GPR89B: variants seen among roughly 807,000 people sequenced by gnomAD.
GPR89B encodes golgi pH regulator B.
Under a neutral mutation model 52.4 loss-of-function variants are expected in GPR89B, and 25 were observed. That is an observed-to-expected ratio of 0.48 (90% confidence interval 0.35 to 0.67). The LOEUF (loss-of-function observed/expected upper bound fraction) is 0.67, where lower values mean the gene tolerates loss of function less well. Ranked by LOEUF, GPR89B falls within the 30% of genes least tolerant of loss-of-function variation. GPR89B has a pLI of 0.01. For synonymous variants in GPR89B, 52 were observed against 151.2 expected, an observed-to-expected ratio of 0.34 and a Z score of 4.81; for missense variants, 146 against 450.2, an observed-to-expected ratio of 0.32 and a Z score of 6.11.
At chr1:147,965,037 T>G (rs1278290330) in intron 7 of GPR89B, among the ~76,000 whole-genome samples, 1 of 151,450 alleles carries the variant, frequency 6.6e-6, no homozygotes, top group Non-Finnish European at 1.5e-5. Flanking sequence ...GCCTTAATCT[T>G]ACAAGTCAGA....
the GPR89B span, among the ~76,000 whole-genome samples, chr1:148,009,756 C>T: frequency 6.6e-6 from 1 of 152,136 alleles, no homozygotes; most frequent in African/African-American, 2.4e-5. Flanking sequence ...CCCTGCCCTC[C>T]CAAGATCCAG....
chr1:147,947,927 A>G (rs1239912078), intron 5 of GPR89B, among the ~76,000 whole-genome samples: 1 of 152,232 alleles, frequency 6.6e-6, no homozygotes, highest in African/African-American at 2.4e-5. Flanking sequence ...TTATTCGTTC[A>G]TTTAGCATTA....
At chr1:147,941,185 T>C (rs1654527403) in intron 3 of GPR89B, among the ~76,000 whole-genome samples, 1 of 152,194 alleles carries the variant, frequency 6.6e-6, no homozygotes, top group Admixed American at 6.5e-5. Context: ...ATATGTAATC[T>C]TGTTGGGATC....
chr1:147,970,491 A>ATCTCTCTCTCTCTCTCCCTCTCTC (rs1558058762), intron 10 of GPR89B, among the ~76,000 whole-genome samples: 1 of 105,736 alleles, frequency 9.5e-6, no homozygotes, highest in African/African-American at 3.4e-5. Flanking sequence ...GTGAGACTCC[A>ATCTCTCTCTCTCTCTCCCTCTCTC]TCTCTCTCTC....
At chr1:147,960,353 A>G (rs1400198613) in intron 7 of GPR89B, among the ~76,000 whole-genome samples, 1 of 151,334 alleles carries the variant, frequency 6.6e-6, no homozygotes, top group Non-Finnish European at 1.5e-5. Context: ...TACACATTTA[A>G]CAAAGACTTG....
In GPR89B at chr1:147,966,172, C is replaced by T. The variant is rs1657024032; in HGVS notation, c.618-382C>T. On this transcript the variant is annotated intron_variant, in intron 7 of 13. Transcript: ENST00000314163. The stretch of plus-strand genomic sequence containing the variant: ...AGGTATGTTAGCTGTTTTATTTTGT[C>T]TTTAAATGGTAACTGTAGTAATTAA... 9.9e-5 allele frequency among the ~76,000 whole-genome samples: 15 copies of T among 152,040 alleles called. No homozygotes were observed. In the South Asian group the frequency reaches 3.1e-3, roughly 32 times the overall value.
the GPR89B span, among the ~76,000 whole-genome samples, chr1:148,012,693 C>G: frequency 6.6e-6 from 1 of 151,906 alleles, no homozygotes; most frequent in Non-Finnish European, 1.5e-5. Context: ...ATCTCCGTTT[C>G]AGGAGATATT....
chr1:148,017,829 C>G, the GPR89B span, among the ~76,000 whole-genome samples: 1 of 150,756 alleles, frequency 6.6e-6, no homozygotes. Flanking sequence ...CCAGACATCC[C>G]TTTATTAAAA....
intron 10 of GPR89B, among the ~76,000 whole-genome samples, chr1:147,975,036 A>G (rs1259165859): frequency 6.6e-6 from 1 of 151,756 alleles, no homozygotes; most frequent in Non-Finnish European, 1.5e-5. Context: ...TGATCGTGGT[A>G]GATGAGCTTT....
chr1:147,989,816 T>G (rs1420423456), intron 12 of GPR89B, among the ~76,000 whole-genome samples: 3 of 152,366 alleles, frequency 2.0e-5, no homozygotes, highest in Admixed American at 6.5e-5. Context: ...CACATTTTCT[T>G]AATCCAGTCT....
At chr1:148,013,786 C>G in the GPR89B span, among the ~76,000 whole-genome samples, 1 of 150,444 alleles carries the variant, frequency 6.6e-6, no homozygotes, top group African/African-American at 2.4e-5. Context: ...GCATCCAACT[C>G]CCTCTCCAAG....
chr1:147,940,248 A>T, intron 3 of GPR89B, among the ~76,000 whole-genome samples: 1 of 151,702 alleles, frequency 6.6e-6, no homozygotes. Flanking sequence ...CTAAAAATAC[A>T]AAAAATTAGC....
chr1:147,980,817 TCAAAAAAAAAA>T (rs1459141690), intron 10 of GPR89B, among the ~76,000 whole-genome samples: 1 of 35,738 alleles, frequency 2.8e-5, no homozygotes, highest in African/African-American at 1.3e-4. Context: ...AGACTCCGTC[TCAAAAAAAAAA>T]AAAAAAAAAA....
At chr1:147,936,785 G>GA (rs1274029523) in intron 2 of GPR89B, 99 bp downstream of exon 2, 1 of 926,404 alleles carries the variant, frequency 1.1e-6, no homozygotes, top group African/African-American at 1.6e-5. Flanking sequence ...TCCAAGATAG[G>GA]AAGCTTTTAC....
chr1:147,987,266 G>C (rs1457709137), intron 11 of GPR89B, among the ~76,000 whole-genome samples: 1 of 152,202 alleles, frequency 6.6e-6, no homozygotes, highest in Non-Finnish European at 1.5e-5. Context: ...GCCCACATCT[G>C]TAGTCCCAGC....
intron 7 of GPR89B, among the ~76,000 whole-genome samples, chr1:147,962,134 C>T (rs1391314531): frequency 2.6e-5 from 4 of 151,766 alleles, no homozygotes; most frequent in South Asian, 2.1e-4. Context: ...CCAGAAATAC[C>T]GACACATGGC....
In GPR89B at chr1:147,962,895, CA is replaced by C. The variant is rs1185681747; in HGVS notation, c.618-3646del. Among the ~76,000 whole-genome samples, 315 of 65,846 alleles carry C rather than the reference CA, an allele frequency of 4.8e-3. 2 individuals carry two copies. In the East Asian group the frequency reaches 0.071, roughly 15 times the overall value. 43.2% of individuals were successfully genotyped at this position (65,846 alleles called of 152,430 possible). A position where few individuals can be genotyped will look rare whatever the true frequency, so the allele number is the denominator to read the frequency against. ...TGGGCAACAGAGCGAGACTCCGTCT[CA>C]AAAAAAAAAAAATTAAAACAGATAA... On this transcript the variant is annotated intron_variant, in intron 7 of 13. Transcript: ENST00000314163.
At chr1:147,983,999 A>G (rs1297711037) in intron 10 of GPR89B, among the ~76,000 whole-genome samples, 89 of 151,534 alleles carry the variant, frequency 5.9e-4, no homozygotes, top group African/African-American at 2.0e-3. Context: ...ATGCAGCCAT[A>G]AAAAATGATG....
At chr1:148,014,996 G>A in the GPR89B span, 1 of 151,740 alleles carries the variant, frequency 6.6e-6, no homozygotes, top group African/African-American at 2.4e-5. Flanking sequence ...TGCAAAAGAC[G>A]GTGGCTCCGC....
Sources: gnomAD v4.1 joint callset for allele counts (sites outside exome capture counted in the v4.1 genomes callset) on GRCh38, gnomAD v4.1.1 for gene constraint, MANE v1.5 for transcripts, NCBI Gene and HGNC (gene_info 2026-07-23, HGNC 2026-07-21) for gene names.